Variants in GPR158 observed in about 807,000 individuals in gnomAD.
GPR158 encodes the protein metabotropic glycine receptor.
Under a neutral mutation model 78.2 loss-of-function variants are expected in GPR158, and 30 were observed. The observed-to-expected ratio is 0.38, with a 90% CI of 0.29 to 0.52. The LOEUF (loss-of-function observed/expected upper bound fraction) is 0.52. Among genes scored for constraint, GPR158 ranks in the 20% least tolerant of loss-of-function variants. The pLI, the probability that GPR158 is intolerant of heterozygous loss-of-function variation, is 0.83. For synonymous variants in GPR158, 581 were observed against 591.1 expected (o/e 0.98, Z 0.25); for missense variants, 1,463 against 1,523.5 (o/e 0.96, Z 0.66).
At chr10:25,297,489 A>AT (rs1335335691) in intron 2 of GPR158, among the ~76,000 whole-genome samples, 4 of 151,016 alleles carry the variant, frequency 2.6e-5, no homozygotes, top group Non-Finnish European at 4.4e-5. Context: ...AGCATAAGAT[A>AT]GGGATCTAAC....
At chr10:25,284,647 A>G (rs1854321417) in intron 2 of GPR158, among the ~76,000 whole-genome samples, 2 of 151,952 alleles carry the variant, frequency 1.3e-5, no homozygotes, top group Admixed American at 1.3e-4. Context: ...TTGGATTAAA[A>G]TATAATGTCT....
At chr10:25,245,903 A>C (rs1158334446) in intron 2 of GPR158, among the ~76,000 whole-genome samples, 1 of 152,234 alleles carries the variant, frequency 6.6e-6, no homozygotes, top group African/African-American at 2.4e-5. Flanking sequence ...TTATTAAATT[A>C]GGCATTATTT....
chr10:25,548,736 A>G (rs1344574361), intron 5 of GPR158, among the ~76,000 whole-genome samples: 1 of 152,200 alleles, frequency 6.6e-6, no homozygotes, highest in African/African-American at 2.4e-5. Context: ...GTTACAGTCC[A>G]CTATTTGCTG....
chr10:25,420,698 C>A (rs1160844807), intron 4 of GPR158, among the ~76,000 whole-genome samples: 1 of 152,056 alleles, frequency 6.6e-6, no homozygotes, highest in East Asian at 1.9e-4. Context: ...TCCAGTTTTC[C>A]CAACACCATT....
At chr10:25,182,620 T>A (rs940442935) in intron 1 of GPR158, among the ~76,000 whole-genome samples, 88 of 152,240 alleles carry the variant, frequency 5.8e-4, no homozygotes, top group African/African-American at 2.1e-3. Context: ...CCTCAACTTC[T>A]GGATAAGCCA....
chr10:25,338,526 T>TTA (rs1564426324), intron 2 of GPR158, among the ~76,000 whole-genome samples: 1 of 102,758 alleles, frequency 9.7e-6, no homozygotes, highest in African/African-American at 2.7e-5. Flanking sequence ...TATACGTATA[T>TTA]TACGTATATT....
In GPR158 at chr10:25,423,164, T is replaced by C. The variant is rs145027153; in HGVS notation, c.1335+10691T>C. 8.7e-3 allele frequency among the ~76,000 whole-genome samples: 1,304 copies of C among 150,566 alleles called. 22 individuals carry two copies. The highest frequency in any genetic ancestry group is 0.03 in the African/African-American group (1,229 of 41,044). ...ATACATATATATGTATATGTATATA[T>C]GTGTGTATATATGTATATACACACA... On this transcript the variant is annotated intron_variant, in intron 4 of 10. Coordinates refer to ENST00000376351, the MANE Select transcript of GPR158 (RefSeq NM_020752.3).
At chr10:25,235,889 G>A (rs1305115727) in intron 2 of GPR158, among the ~76,000 whole-genome samples, 1 of 151,570 alleles carries the variant, frequency 6.6e-6, no homozygotes, top group Non-Finnish European at 1.5e-5. Flanking sequence ...GTAGAGACGG[G>A]GTTTCATCAT....
At chr10:25,407,881 A>G (rs182756333) in intron 3 of GPR158, among the ~76,000 whole-genome samples, 8 of 152,280 alleles carry the variant, frequency 5.3e-5, no homozygotes, top group Non-Finnish European at 1.2e-4. Context: ...CAATCCTTTA[A>G]TTACATAAAG....
At chr10:25,249,183 G>T (rs1379342054) in intron 2 of GPR158, among the ~76,000 whole-genome samples, 1 of 152,098 alleles carries the variant, frequency 6.6e-6, no homozygotes, top group Non-Finnish European at 1.5e-5. Flanking sequence ...CTTTGCTGAA[G>T]TTGCTTATCA....
intron 2 of GPR158, among the ~76,000 whole-genome samples, chr10:25,387,510 C>G (rs1015208152): frequency 1.7e-5 from 2 of 114,364 alleles, no homozygotes; most frequent in Admixed American, 2.1e-4. Context: ...GTTCCTTTCT[C>G]TTCAAATTTT....
chr10:25,571,817 T>C (rs1837013217), intron 6 of GPR158, among the ~76,000 whole-genome samples: 1 of 152,170 alleles, frequency 6.6e-6, no homozygotes, highest in African/African-American at 2.4e-5. Context: ...CTGAGATATA[T>C]ACAGAAAAAA....
chr10:25,304,890 A>G (rs1380179426), intron 2 of GPR158, among the ~76,000 whole-genome samples: 1 of 152,198 alleles, frequency 6.6e-6, no homozygotes, highest in African/African-American at 2.4e-5. Flanking sequence ...TGATTCTTGC[A>G]TAGCCTCTTT....
chr10:25,373,111 G>A (rs912675657), intron 2 of GPR158, among the ~76,000 whole-genome samples: 2 of 151,862 alleles, frequency 1.3e-5, no homozygotes, highest in African/African-American at 4.8e-5. Flanking sequence ...GTGGAATACT[G>A]TGCAGCCATA....
At chr10:25,464,033 G>A (rs1835391084) in intron 4 of GPR158, among the ~76,000 whole-genome samples, 1 of 152,140 alleles carries the variant, frequency 6.6e-6, no homozygotes. Flanking sequence ...GAAAAAAAGT[G>A]CGCATTTTGA....
At position 25,187,244 on chromosome 10, in the gene GPR158, C is replaced by T. The variant is rs995988316; in HGVS notation, c.902+10922C>T. On this transcript the variant is annotated intron_variant, in intron 1 of 10. Coordinates refer to ENST00000376351, the MANE Select transcript of GPR158 (RefSeq NM_020752.3). ...CCTCCCAAAGTGCTGGGATTACAGG[C>T]GTTAGCCACCGCGTCCGGCCCTCCC... Among the ~76,000 whole-genome samples the T allele has an allele frequency of 5.5e-4, 83 of 151,716 alleles. 1 individual carries two copies. The highest frequency in any genetic ancestry group is 5.1e-3 in the Admixed American group (77 of 15,246).
chr10:25,597,792 T>C lies in GPR158; in HGVS notation c.2166T>C (p.Tyr722=), dbSNP rs772313476. The C allele has an allele frequency of 1.1e-5, 17 of 1,506,040 alleles. No homozygotes were observed. The highest frequency in any genetic ancestry group is 1.3e-5 in the Non-Finnish European group (15 of 1,129,082). The allele number at this position is 1,506,040 out of a possible 1,614,324, so 93.3% of individuals were successfully genotyped here. ...GGCAGGACGAGCTGAAAAAACTCTA[T>C]GCCCAACTGGAAATATATAAAAGAA... ...EDIRDELKKL[Y]AQLEIYKRKK... The change falls in exon 11 of 11, where the codon TAT becomes TAC. Residue 722 remains tyrosine (Y), a synonymous_variant. Transcript: ENST00000376351.
intron 8 of GPR158, among the ~76,000 whole-genome samples, chr10:25,591,412 T>C (rs1837339095): frequency 6.6e-6 from 1 of 152,152 alleles, no homozygotes; most frequent in Non-Finnish European, 1.5e-5. Context: ...GCCTTACTAC[T>C]TTGCTGTAAA....
At chr10:25,475,776 CT>C (rs1835575457) in intron 5 of GPR158, 1 of 152,046 alleles carries the variant, frequency 6.6e-6, no homozygotes, top group Admixed American at 6.6e-5. Flanking sequence ...CATGAAAGTT[CT>C]ACTGGGAGGT....
Sources: allele counts gnomAD v4.1 joint callset (sites outside exome capture counted in the v4.1 genomes callset), GRCh38; gene constraint gnomAD v4.1.1; transcripts MANE v1.5; gene names NCBI Gene and HGNC (gene_info 2026-07-23, HGNC 2026-07-21).